Variants in L3MBTL3 observed in about 807,000 individuals in gnomAD.
The protein encoded by L3MBTL3 is L3MBTL histone methyl-lysine binding protein 3.
In L3MBTL3, 27 loss-of-function variants were observed where a neutral mutation model predicts 102.3. The observed-to-expected ratio is 0.26, with a 90% CI of 0.19 to 0.36. The LOEUF is 0.36. Ranked by LOEUF, L3MBTL3 falls within the 10% of genes least tolerant of loss-of-function variation. L3MBTL3 has a pLI of 1.00. For missense variants in L3MBTL3, 798 were observed against 955.3 expected (o/e 0.84, Z 2.17); for synonymous variants, 340 against 320.9 (o/e 1.06, Z -0.64).
rs533895523 is a variant in L3MBTL3 at position 130,136,632 on chromosome 6, T to TG, written c.2199+2727_2199+2728insG. 2.8e-3 allele frequency among the ~76,000 whole-genome samples: 432 copies of TG among 151,772 alleles called. 6 individuals carry two copies. The highest frequency in any genetic ancestry group is 0.021 in the Admixed American group (317 of 15,254). Reference sequence around the variant, plus strand: ...AATCATAGCACAAATCACCTTTTTTTTTTGAGACAGAGCCTCACTCTGTCG... The same window carrying TG: ...AATCATAGCACAAATCACCTTTTTTTGTTTGAGACAGAGCCTCACTCTGTCG... On this transcript the variant is annotated intron_variant, in intron 22 of 22. Coordinates refer to ENST00000361794, the MANE Select transcript of L3MBTL3 (RefSeq NM_032438.4).
intron 19 of L3MBTL3, among the ~76,000 whole-genome samples, chr6:130,111,427 G>T (rs924456225): frequency 1.3e-5 from 2 of 152,160 alleles, no homozygotes; most frequent in African/African-American, 2.4e-5. Flanking sequence ...AGAGCCCAGG[G>T]AAGTCCTGCA....
intron 2 of L3MBTL3, among the ~76,000 whole-genome samples, chr6:130,023,008 TAGA>T (rs1431153241): frequency 6.6e-6 from 1 of 152,186 alleles, no homozygotes; most frequent in African/African-American, 2.4e-5. Flanking sequence ...TCTCTGAAGG[TAGA>T]ACATTTCAGT....
chr6:130,055,264 A>G lies in L3MBTL3; in HGVS notation c.667+9A>G, dbSNP rs759884911. ...GGCTGTACTAAAGCAGGGTGAGCTG[A>G]TGAAAATAAAGTCTTACTTGTAACT... is the stretch of plus-strand genomic sequence containing the variant. On this transcript the variant is annotated intron_variant, in intron 8 of 22. Transcript: ENST00000361794. 2 of 1,603,192 alleles carry G rather than the reference A, an allele frequency of 1.2e-6. No homozygotes were observed. Among genetic ancestry groups the G allele is most frequent in the Admixed American group, 1.7e-5 (1 of 58,372 alleles).
chr6:130,073,283 T>A (rs990099520), intron 13 of L3MBTL3, among the ~76,000 whole-genome samples: 1 of 152,104 alleles, frequency 6.6e-6, no homozygotes, highest in African/African-American at 2.4e-5. Flanking sequence ...TCTATACATA[T>A]TTTGAATGGG....
At chr6:130,025,120 T>A (rs1322938997) in intron 2 of L3MBTL3, among the ~76,000 whole-genome samples, 1 of 152,202 alleles carries the variant, frequency 6.6e-6, no homozygotes, top group Non-Finnish European at 1.5e-5. Context: ...CTGGTGAAGA[T>A]CTACACTATC....
At chr6:130,112,928 G>A (rs1785445553) in intron 19 of L3MBTL3, among the ~76,000 whole-genome samples, 1 of 152,182 alleles carries the variant, frequency 6.6e-6, no homozygotes, top group Non-Finnish European at 1.5e-5. Flanking sequence ...GCCAGTGCTT[G>A]CTGTGAAAAG....
intron 11 of L3MBTL3, among the ~76,000 whole-genome samples, chr6:130,067,270 T>A (rs1025419064): frequency 7.2e-5 from 11 of 152,228 alleles, no homozygotes; most frequent in African/African-American, 2.6e-4. Flanking sequence ...CCTGCCACCA[T>A]GCCTGGCTGA....
At chr6:130,073,114 C>G (rs1782739854) in intron 13 of L3MBTL3, among the ~76,000 whole-genome samples, 1 of 151,992 alleles carries the variant, frequency 6.6e-6, no homozygotes, top group Admixed American at 6.6e-5. Flanking sequence ...TTTTGTTTTA[C>G]TTAAAATTGT....
At chr6:130,077,472 G>A (rs1783027404) in intron 13 of L3MBTL3, among the ~76,000 whole-genome samples, 1 of 151,976 alleles carries the variant, frequency 6.6e-6, no homozygotes, top group Non-Finnish European at 1.5e-5. Flanking sequence ...ACTGAATAAA[G>A]GAAGAAGCCT....
At chr6:130,106,818 A>G (rs1455697874) in intron 19 of L3MBTL3, among the ~76,000 whole-genome samples, 2 of 152,190 alleles carry the variant, frequency 1.3e-5, no homozygotes, top group Non-Finnish European at 2.9e-5. Flanking sequence ...AGTGTAACCC[A>G]AGGCTGGAAA....
rs988612644 is a variant in L3MBTL3 at position 130,066,361 on chromosome 6, A to C, written c.873A>C (p.Gly291=). The change falls in exon 11 of 23, where the codon GGA becomes GGC. Residue 291 remains glycine (G), a synonymous_variant. Coordinates refer to ENST00000361794, the MANE Select transcript of L3MBTL3 (RefSeq NM_032438.4). ...TATTTTACCTGTTTCAGGTTTGTGG[A>C]TACCGGATAAAGCTTCACTTTGATG... ...YCVLTVAEVC[G]YRIKLHFDGY... is the part of the protein sequence containing the mutation. The C allele has an allele frequency of 1.3e-6, 2 of 1,591,096 alleles. No individual in the cohort carries two copies. The highest frequency in any genetic ancestry group is 2.7e-5 in the African/African-American group (2 of 74,042).
In L3MBTL3 at chr6:130,053,510, C is replaced by T. The variant is rs1781238514; in HGVS notation, c.582+519C>T. ...ATTAGGTAGGCGTGGTGGCAGGCTC[C>T]TGTAGTCCCAGCTACTCGGGAGGCT... On this transcript the variant is annotated intron_variant, in intron 7 of 22. Transcript: ENST00000361794. 2.0e-5 allele frequency among the ~76,000 whole-genome samples: 3 copies of T among 152,130 alleles called. No individual in the cohort carries two copies. The South Asian group carries it at 6.2e-4, about 32-fold the overall frequency.
intron 18 of L3MBTL3, among the ~76,000 whole-genome samples, chr6:130,100,967 T>C (rs1031480236): frequency 1.3e-5 from 2 of 152,208 alleles, no homozygotes; most frequent in Non-Finnish European, 2.9e-5. Context: ...TATACAGTTA[T>C]TTAATAATTG....
At chr6:130,078,372 A>G (rs1226259352) in intron 13 of L3MBTL3, among the ~76,000 whole-genome samples, 186 bp from the exon 14 acceptor site, 1 of 152,204 alleles carries the variant, frequency 6.6e-6, no homozygotes, top group Non-Finnish European at 1.5e-5. Context: ...TGTTTATCTA[A>G]TAAAAATCCA....
At chr6:130,028,246 A>G (rs1428232560) in intron 2 of L3MBTL3, among the ~76,000 whole-genome samples, 4 of 152,188 alleles carry the variant, frequency 2.6e-5, no homozygotes, top group Admixed American at 2.6e-4. Context: ...TTCTTTGCAC[A>G]TGATCTCCAT....
At chr6:130,037,674 A>G (rs1780144827) in intron 2 of L3MBTL3, among the ~76,000 whole-genome samples, 1 of 152,206 alleles carries the variant, frequency 6.6e-6, no homozygotes, top group Non-Finnish European at 1.5e-5. Context: ...TGTACACATT[A>G]ATGGTACACA....
chr6:130,124,377 G>A (rs1786454237), intron 20 of L3MBTL3, among the ~76,000 whole-genome samples: 1 of 152,082 alleles, frequency 6.6e-6, no homozygotes, highest in African/African-American at 2.4e-5. Context: ...TTCTTTGAGG[G>A]AAAATCAGAC....
intron 9 of L3MBTL3, 63 bp downstream of exon 9, chr6:130,057,560 A>G (rs1254206218): frequency 2.4e-6 from 3 of 1,272,062 alleles, no homozygotes; most frequent in Non-Finnish European, 3.3e-6. Flanking sequence ...AGCCTGAATT[A>G]CGATTGTTGT....
intron 14 of L3MBTL3, among the ~76,000 whole-genome samples, chr6:130,080,445 T>G (rs1205634766): frequency 6.6e-6 from 1 of 152,144 alleles, no homozygotes; most frequent in African/African-American, 2.4e-5. Context: ...GAGGATCCTT[T>G]TAGATTTCCC....
Sources: allele counts gnomAD v4.1 joint callset (sites outside exome capture counted in the v4.1 genomes callset), GRCh38; gene constraint gnomAD v4.1.1; transcripts MANE v1.5; gene names NCBI Gene and HGNC (gene_info 2026-07-23, HGNC 2026-07-21).